CDK5RAP2: variants seen among roughly 807,000 people sequenced by gnomAD.
The protein encoded by CDK5RAP2 is CDK5 regulatory subunit-associated protein 2.
In CDK5RAP2, 147 loss-of-function variants were observed where a neutral mutation model predicts 232.9. The observed-to-expected ratio is 0.63, with a 90% CI of 0.55 to 0.72. CDK5RAP2 has a LOEUF of 0.72. CDK5RAP2 is among the 30% of genes least tolerant of loss of function. The pLI, the probability that CDK5RAP2 is intolerant of heterozygous loss-of-function variation, is 0.00. For synonymous variants in CDK5RAP2, 833 were observed against 833.7 expected (o/e 1.00, Z 0.01); for missense variants, 2,195 against 2,231.5 (o/e 0.98, Z 0.33).
intron 11 of CDK5RAP2, among the ~76,000 whole-genome samples, chr9:120,521,576 T>C (rs2040656869): frequency 6.6e-6 from 1 of 152,096 alleles, no homozygotes; most frequent in Non-Finnish European, 1.5e-5. Context: ...TGCTCCTCCT[T>C]TGCCTTCCGC....
At chr9:120,399,575 A>G (rs1457789518) in intron 35 of CDK5RAP2, among the ~76,000 whole-genome samples, 4 of 152,212 alleles carry the variant, frequency 2.6e-5, no homozygotes, top group Non-Finnish European at 5.9e-5. Context: ...AAAGGTGAGA[A>G]GGAGCCAGCC....
intron 11 of CDK5RAP2, among the ~76,000 whole-genome samples, chr9:120,524,632 T>G (rs2040818891): frequency 1.3e-5 from 2 of 151,216 alleles, no homozygotes; most frequent in African/African-American, 2.4e-5. Flanking sequence ...AGGGGGACTC[T>G]GTCTTAAAAA....
chr9:120,558,167 G>C (rs2042310524), intron 3 of CDK5RAP2, among the ~76,000 whole-genome samples: 1 of 148,110 alleles, frequency 6.8e-6, no homozygotes, highest in South Asian at 2.1e-4. Context: ...GAGGTCAAGA[G>C]ATCGAGACCA....
intron 27 of CDK5RAP2, among the ~76,000 whole-genome samples, chr9:120,417,599 C>T (rs753547228): frequency 2.0e-5 from 3 of 152,206 alleles, no homozygotes; most frequent in Non-Finnish European, 4.4e-5. Context: ...GGCCAGGAGG[C>T]GGAATCATCA....
chr9:120,509,299 TG>T (rs1397546371), intron 12 of CDK5RAP2, among the ~76,000 whole-genome samples: 1 of 152,188 alleles, frequency 6.6e-6, no homozygotes, highest in Non-Finnish European at 1.5e-5. Context: ...TAGCAGGTGA[TG>T]GTTTGTCATT....
At chr9:120,516,485 G>C (rs2040346773) in intron 12 of CDK5RAP2, among the ~76,000 whole-genome samples, 1 of 151,888 alleles carries the variant, frequency 6.6e-6, no homozygotes, top group African/African-American at 2.4e-5. Flanking sequence ...CCTGCACATT[G>C]TGCACATGTA....
chr9:120,413,968 C>G (rs1011948010), intron 28 of CDK5RAP2, among the ~76,000 whole-genome samples: 13 of 152,208 alleles, frequency 8.5e-5, no homozygotes, highest in South Asian at 2.1e-4. Flanking sequence ...AAGAATGAGA[C>G]CTGGACAAGG....
intron 11 of CDK5RAP2, among the ~76,000 whole-genome samples, chr9:120,521,638 CTTTT>C (rs1162265172): frequency 2.0e-5 from 3 of 146,968 alleles, no homozygotes; most frequent in South Asian, 2.2e-4. Flanking sequence ...CATTAAACCT[CTTTT>C]TCTTTTTTTT....
chr9:120,477,810 G>C (rs776638913), intron 14 of CDK5RAP2, among the ~76,000 whole-genome samples: 1 of 152,198 alleles, frequency 6.6e-6, no homozygotes, highest in Non-Finnish European at 1.5e-5. Flanking sequence ...CATATTCACT[G>C]TTGCTCCAAA....
At chr9:120,536,727 G>C (rs987087098) in intron 6 of CDK5RAP2, 3 of 657,144 alleles carry the variant, frequency 4.6e-6, no homozygotes, top group Middle Eastern at 3.9e-4. Flanking sequence ...AGCATAACAG[G>C]CATTTCCAAT....
At chr9:120,417,889 A>G (rs1272416238) in intron 27 of CDK5RAP2, among the ~76,000 whole-genome samples, 1 of 152,220 alleles carries the variant, frequency 6.6e-6, no homozygotes, top group African/African-American at 2.4e-5. Flanking sequence ...ACGTTCACAG[A>G]TATCCCCTGC....
At chr9:120,396,666 C>A (rs1264172217) in intron 35 of CDK5RAP2, among the ~76,000 whole-genome samples, 1 of 152,184 alleles carries the variant, frequency 6.6e-6, no homozygotes, top group African/African-American at 2.4e-5. Flanking sequence ...TCATTTCCTC[C>A]CTCTAACCAC....
intron 36 of CDK5RAP2, among the ~76,000 whole-genome samples, chr9:120,391,417 C>G (rs1455539429): frequency 1.3e-5 from 2 of 152,202 alleles, no homozygotes; most frequent in Non-Finnish European, 2.9e-5. Context: ...CTGGGACTCA[C>G]ATGTGGGCCT....
intron 27 of CDK5RAP2, among the ~76,000 whole-genome samples, chr9:120,417,947 G>A (rs960720031): frequency 6.6e-6 from 1 of 152,156 alleles, no homozygotes; most frequent in African/African-American, 2.4e-5. Flanking sequence ...AATGTTCAGC[G>A]ACAGAGGAAC....
At chr9:120,556,367 AC>A (rs2042228302) in intron 3 of CDK5RAP2, among the ~76,000 whole-genome samples, 1 of 152,122 alleles carries the variant, frequency 6.6e-6, no homozygotes, top group African/African-American at 2.4e-5. Flanking sequence ...AACACTCATC[AC>A]GTATTTTTTT....
chr9:120,408,027 C>A lies in CDK5RAP2; in HGVS notation c.4726+320G>T, dbSNP rs77847730. On this transcript the variant is annotated intron_variant, in intron 31 of 37. Coordinates refer to ENST00000349780, the MANE Select transcript of CDK5RAP2 (RefSeq NM_018249.6). ...ATTTTCAACACAATTCTCCACACAA[C>A]AGGTGCTGAGAGACATGTTTTACAG... 12,884 of 381,722 alleles carry A rather than the reference C, an allele frequency of 0.034. 314 individuals carry two copies. Among genetic ancestry groups the A allele is most frequent in the Middle Eastern group, 0.054 (65 of 1,204 alleles). The allele number at this position is 381,722 out of a possible 1,614,324, so 23.6% of individuals were successfully genotyped here.
In CDK5RAP2 at chr9:120,480,872, G is replaced by A. The variant is rs2038267331; in HGVS notation, c.1627-3422C>T. On this transcript the variant is annotated intron_variant, in intron 14 of 37. Coordinates refer to ENST00000349780, the MANE Select transcript of CDK5RAP2 (RefSeq NM_018249.6). ...TCATCCAGACTGCTGGAAATGTCAG[G>A]CCCTTTTGTAAATCATGCCACATGT... 1.3e-5 allele frequency among the ~76,000 whole-genome samples: 2 copies of A among 152,190 alleles called. 1 individual carries two copies. Among genetic ancestry groups the A allele is most frequent in the Admixed American group, 1.3e-4 (2 of 15,284 alleles).
At position 120,568,350 on chromosome 9, in the gene CDK5RAP2, T is replaced by C; in HGVS notation, c.166A>G (p.Arg56Gly). 7.4e-6 allele frequency: 12 copies of C among 1,613,958 alleles called. No individual in the cohort carries two copies. Among genetic ancestry groups the C allele is most frequent in the Non-Finnish European group, 1.0e-5 (12 of 1,179,794 alleles). Reference protein sequence around the residue: ...NVSEETVSPTRARNMKDFENQ... With the variant: ...NVSEETVSPTGARNMKDFENQ... Reference sequence around the variant, plus strand: ...TCAAAGTCCTTCATGTTCCGTGCTCTGGTGGGAGACACTGTTTCTTCTGAC... The same window carrying C: ...TCAAAGTCCTTCATGTTCCGTGCTCCGGTGGGAGACACTGTTTCTTCTGAC... The change falls in exon 3 of 38, where the codon AGA becomes GGA. Residue 56 changes from arginine to glycine, a missense_variant. Physicochemically the swap from Arg to Gly is moderately radical, Grantham distance 125 (BLOSUM62 -2). Coordinates refer to ENST00000349780, the MANE Select transcript of CDK5RAP2 (RefSeq NM_018249.6).
At chr9:120,461,832 G>C (rs1307379040) in intron 18 of CDK5RAP2, among the ~76,000 whole-genome samples, 1 of 152,222 alleles carries the variant, frequency 6.6e-6, no homozygotes, top group African/African-American at 2.4e-5. Flanking sequence ...AACAGAGTAA[G>C]ACCCTGTCTC....
Sources: allele counts gnomAD v4.1 joint callset (sites outside exome capture counted in the v4.1 genomes callset), GRCh38; gene constraint gnomAD v4.1.1; transcripts MANE v1.5; gene names NCBI Gene and HGNC (gene_info 2026-07-23, HGNC 2026-07-21).